SGCD: variants seen among roughly 807,000 people sequenced by gnomAD.
The protein encoded by SGCD is delta-sarcoglycan.
Under a neutral mutation model 36.6 loss-of-function variants are expected in SGCD, and 18 were observed. That is an observed-to-expected ratio of 0.49 (90% CI 0.34 to 0.73). The LOEUF is 0.73. Among genes scored for constraint, SGCD ranks in the 30% least tolerant of loss-of-function variants. SGCD has a pLI of 0.01. For synonymous variants in SGCD, 133 were observed against 130.6 expected, an observed-to-expected ratio of 1.02 and a Z score of -0.12; for missense variants, 387 against 346.7, an observed-to-expected ratio of 1.12 and a Z score of -0.92.
upstream of SGCD, among the ~76,000 whole-genome samples, chr5:155,869,187 GTCTTT>G (rs1192020787): frequency 1.3e-5 from 2 of 152,040 alleles, no homozygotes; most frequent in African/African-American, 4.8e-5. Flanking sequence ...TCCCTTTCTT[GTCTTT>G]TCTTTATTTA....
the SGCD span, among the ~76,000 whole-genome samples, chr5:155,804,306 A>G: frequency 1.3e-5 from 2 of 152,214 alleles, no homozygotes; most frequent in Admixed American, 1.3e-4. Flanking sequence ...AGATAGGGAA[A>G]CTGAGACTCA....
At chr5:156,394,111 A>G (rs1324394446) in intron 3 of SGCD, among the ~76,000 whole-genome samples, 1 of 152,232 alleles carries the variant, frequency 6.6e-6, no homozygotes, top group Admixed American at 6.5e-5. Flanking sequence ...ACTGAGCAGA[A>G]TGTATTGGCA....
intron 7 of SGCD, among the ~76,000 whole-genome samples, chr5:156,669,992 G>A (rs749470887): frequency 1.3e-4 from 20 of 152,228 alleles, no homozygotes; most frequent in African/African-American, 4.1e-4. Flanking sequence ...AGCTATTAGC[G>A]ATGTGCAGTG....
intron 4 of SGCD, among the ~76,000 whole-genome samples, chr5:156,562,913 G>A (rs1336569072): frequency 6.6e-6 from 1 of 151,314 alleles, no homozygotes; most frequent in African/African-American, 2.4e-5. Context: ...TTGGATTATA[G>A]TAACAATATT....
chr5:156,186,330 G>A (rs1763760264), intron 3 of SGCD, among the ~76,000 whole-genome samples: 1 of 152,124 alleles, frequency 6.6e-6, no homozygotes, highest in Non-Finnish European at 1.5e-5. Flanking sequence ...TGTAATCTAT[G>A]TTGATATCTG....
At chr5:156,713,580 G>C (rs1212089290) in intron 7 of SGCD, among the ~76,000 whole-genome samples, 1 of 152,158 alleles carries the variant, frequency 6.6e-6, no homozygotes, top group African/African-American at 2.4e-5. Context: ...TCCTTTTCCT[G>C]TGAGTTAATC....
chr5:156,571,237 G>A (rs961122225), intron 4 of SGCD, among the ~76,000 whole-genome samples: 3 of 152,056 alleles, frequency 2.0e-5, no homozygotes, highest in Non-Finnish European at 4.4e-5. Context: ...GTAGAGATGG[G>A]GTTTCATGAT....
intron 7 of SGCD, among the ~76,000 whole-genome samples, chr5:156,734,999 G>T (rs1167307870): frequency 6.6e-6 from 1 of 152,164 alleles, no homozygotes; most frequent in African/African-American, 2.4e-5. Flanking sequence ...AGTCTTTGAG[G>T]TTGCTGACCT....
At chr5:156,010,547 G>A (rs1426591859) in intron 1 of SGCD, among the ~76,000 whole-genome samples, 1 of 152,058 alleles carries the variant, frequency 6.6e-6, no homozygotes, top group African/African-American at 2.4e-5. Context: ...ATGGTTTCTA[G>A]GTAATTACAG....
intron 1 of SGCD, among the ~76,000 whole-genome samples, chr5:156,044,016 A>T (rs1274826488): frequency 6.6e-6 from 1 of 152,182 alleles, no homozygotes; most frequent in Admixed American, 6.5e-5. Context: ...AAACATGTTT[A>T]AATAACAGAG....
intron 3 of SGCD, among the ~76,000 whole-genome samples, chr5:156,489,683 G>A (rs866395453): frequency 1.5e-4 from 23 of 151,986 alleles, no homozygotes; most frequent in Middle Eastern, 3.4e-3. Flanking sequence ...ATGGAAAATG[G>A]AAACACAGCA....
chr5:155,948,039 G>C (rs985658591), intron 1 of SGCD, among the ~76,000 whole-genome samples: 7 of 152,172 alleles, frequency 4.6e-5, no homozygotes, highest in Non-Finnish European at 1.0e-4. Context: ...CACTTTGGGA[G>C]GCCAAGGCAG....
At chr5:155,835,002 ATTTTT>A in the SGCD span, among the ~76,000 whole-genome samples, 33 of 60,178 alleles carry the variant, frequency 5.5e-4, 1 homozygote, top group Admixed American at 4.1e-3. Context: ...TGCCCAGCTA[ATTTTT>A]TTTTTTTTTT....
At chr5:155,903,024 C>T (rs539539422) in intron 1 of SGCD, among the ~76,000 whole-genome samples, 1 of 152,252 alleles carries the variant, frequency 6.6e-6, no homozygotes, top group Non-Finnish European at 1.5e-5. Context: ...TATTTATGTA[C>T]TTGAACCAGC....
chr5:155,800,531 T>C, the SGCD span, among the ~76,000 whole-genome samples: 1 of 152,188 alleles, frequency 6.6e-6, no homozygotes. Flanking sequence ...CTGATATTTA[T>C]GTGATTTTGG....
chr5:156,747,543 T>C (rs1756991618), intron 7 of SGCD, among the ~76,000 whole-genome samples: 1 of 152,136 alleles, frequency 6.6e-6, no homozygotes, highest in African/African-American at 2.4e-5. Context: ...AACACCTTAG[T>C]TTTTCTTGGG....
At chr5:155,999,899 A>T (rs1758628449) in intron 1 of SGCD, among the ~76,000 whole-genome samples, 1 of 152,216 alleles carries the variant, frequency 6.6e-6, no homozygotes. Flanking sequence ...CAAAAGTACA[A>T]ATGGAGGCCC....
intron 3 of SGCD, among the ~76,000 whole-genome samples, chr5:156,416,720 T>G (rs1274596965): frequency 1.3e-5 from 2 of 152,188 alleles, no homozygotes; most frequent in Non-Finnish European, 2.9e-5. Flanking sequence ...CTGATGTCCT[T>G]AAGAAATCAT....
chr5:156,567,429 G>A (rs1759540268), intron 4 of SGCD, among the ~76,000 whole-genome samples: 1 of 87,698 alleles, frequency 1.1e-5, no homozygotes, highest in South Asian at 3.5e-4. Flanking sequence ...TAGATAGATA[G>A]ATGGTAGCTC....
Sources: allele counts gnomAD v4.1 joint callset (sites outside exome capture counted in the v4.1 genomes callset), GRCh38; gene constraint gnomAD v4.1.1; transcripts MANE v1.5; gene names NCBI Gene and HGNC (gene_info 2026-07-23, HGNC 2026-07-21).